Variants in DOCK4 observed in about 807,000 individuals in gnomAD.
DOCK4 encodes the protein dedicator of cytokinesis 4, also known as dedicator of cytokinesis protein 4.
Under a neutral mutation model 268.1 loss-of-function variants are expected in DOCK4, and 97 were observed. That is an observed-to-expected ratio of 0.36 (90% CI 0.31 to 0.43). The LOEUF is 0.43. DOCK4 is among the 20% of genes least tolerant of loss of function. The pLI, the probability that DOCK4 is intolerant of heterozygous loss-of-function variation, is 1.00. For missense variants in DOCK4, 2,145 were observed against 2,455.7 expected (o/e 0.87, Z 2.67); for synonymous variants, 954 against 887.2 (o/e 1.08, Z -1.34).
At chr7:111,803,090 G>A (rs1800423323) in intron 30 of DOCK4, among the ~76,000 whole-genome samples, 1 of 152,140 alleles carries the variant, frequency 6.6e-6, no homozygotes, top group Non-Finnish European at 1.5e-5. Context: ...TGTATAGCTG[G>A]TTTCTTTCAA....
chr7:112,168,594 ACCTGGGAAC>A (rs1383460011), intron 1 of DOCK4, among the ~76,000 whole-genome samples: 1 of 152,176 alleles, frequency 6.6e-6, no homozygotes, highest in African/African-American at 2.4e-5. Context: ...GGTCCCAGCC[ACCTGGGAAC>A]CTGAGGTAAG....
At chr7:111,913,554 C>A (rs112012093) in intron 13 of DOCK4, among the ~76,000 whole-genome samples, 8 of 150,470 alleles carry the variant, frequency 5.3e-5, no homozygotes, top group South Asian at 2.1e-4. Flanking sequence ...GGACTACAGG[C>A]GCCCGCCACC....
At chr7:111,992,289 C>T (rs1236400164) in intron 5 of DOCK4, among the ~76,000 whole-genome samples, 1 of 152,050 alleles carries the variant, frequency 6.6e-6, no homozygotes, top group Non-Finnish European at 1.5e-5. Flanking sequence ...AAGCTAGGTG[C>T]CTTAAAACTG....
intron 13 of DOCK4, among the ~76,000 whole-genome samples, chr7:111,905,289 A>T (rs1418641812): frequency 6.6e-6 from 1 of 152,188 alleles, no homozygotes; most frequent in Non-Finnish European, 1.5e-5. Context: ...CCGTGTGAAA[A>T]GCTATTTCCC....
In DOCK4 at chr7:111,732,239, C is replaced by G; in HGVS notation, c.5468G>C (p.Arg1823Pro). The G allele has an allele frequency of 6.2e-7, 1 of 1,614,006 alleles. No individual in the cohort carries two copies. Among genetic ancestry groups the G allele is most frequent in the Non-Finnish European group, 8.5e-7 (1 of 1,179,888 alleles). ...TTSVSPSPAG[R>P]SPLKGSVQSF... ...AAGGGCCTTTACCTTCAATGGAGAT[C>G]GCCCGGCAGGCGAGGGGGATACTGA... Residue 1823 changes from arginine (R) to proline (P), a missense_variant, in exon 52 of 53, where the codon CGA becomes CCA. This residue lies in a region of DOCK4 where 547 missense variants were observed against 469.0 expected (regional missense o/e 1.17). Transcript: ENST00000428084.
intron 16 of DOCK4, among the ~76,000 whole-genome samples, chr7:111,880,933 A>G (rs1209783791): frequency 2.6e-5 from 4 of 152,240 alleles, no homozygotes; most frequent in Non-Finnish European, 5.9e-5. Flanking sequence ...TCAAATCAAA[A>G]TGGATTAAAA....
intron 36 of DOCK4, among the ~76,000 whole-genome samples, chr7:111,775,952 A>G (rs891663233): frequency 1.3e-5 from 2 of 152,132 alleles, no homozygotes; most frequent in African/African-American, 4.8e-5. Flanking sequence ...GAGGGGAGGG[A>G]GCTCAAGAAA....
chr7:111,983,858 G>GCACACACACACACACACACACACACACA (rs1300676029), intron 7 of DOCK4, among the ~76,000 whole-genome samples: 2 of 89,944 alleles, frequency 2.2e-5, no homozygotes, highest in African/African-American at 3.6e-5. Flanking sequence ...GCGCGCGCGC[G>GCACACACACACACACACACACACACACA]CGCGCACACA....
rs112560308 is a variant in DOCK4, at chr7:112,121,748, G to C, written c.37+84354C>G. ...CAACATACAGATATTCAGGGTCTATGAAATCCCTTTCTGGTTTCCTTTTAT... is the reference window on the plus strand; with the variant it reads ...CAACATACAGATATTCAGGGTCTATCAAATCCCTTTCTGGTTTCCTTTTAT... On this transcript the variant is annotated intron_variant, in intron 1 of 52. Transcript: ENST00000428084. Among the ~76,000 whole-genome samples, 512 of 152,302 alleles carry C rather than the reference G, an allele frequency of 3.4e-3. 4 individuals are homozygous for C. The highest frequency in any genetic ancestry group is 0.012 in the African/African-American group (492 of 41,556).
chr7:111,728,511 G>A lies in DOCK4; in HGVS notation c.5691C>T (p.Gly1897=), dbSNP rs1335752177. Residue 1897 remains glycine (G), a synonymous_variant, in exon 53 of 53, where the codon GGC becomes GGT. Coordinates refer to ENST00000428084, the MANE Select transcript of DOCK4 (RefSeq NM_001363540.2). ...TCTCCTTGCGCACTGGCTCCTCCCC[G>A]CCGTAGCTCGGCACGGGCACCGGCA... is the stretch of plus-strand genomic sequence containing the variant. The part of the protein sequence containing the change: ...VPVPVPVPSY[G]GEEPVRKESK... 1.2e-6 allele frequency: 2 copies of A among 1,613,474 alleles called. No homozygotes were observed. Among genetic ancestry groups the A allele is most frequent in the East Asian group, 2.2e-5 (1 of 44,876 alleles).
rs144045255 is a variant in DOCK4, at chr7:111,973,156, C to CATATATATATATATAT, written c.701+3960_701+3975dup. On this transcript the variant is annotated intron_variant, in intron 8 of 52. Transcript: ENST00000428084. ...TATATGGCTGACTAGTATTCCATGG[C>CATATATATATATATAT]ATATATATATATATATATATATATA... is the stretch of plus-strand genomic sequence containing the variant. Among the ~76,000 whole-genome samples, 353 of 113,946 alleles carry CATATATATATATATAT rather than the reference C, an allele frequency of 3.1e-3. 5 individuals are homozygous for CATATATATATATATAT. Among genetic ancestry groups the CATATATATATATATAT allele is most frequent in the East Asian group, 4.3e-3 (16 of 3,690 alleles). 74.8% of individuals were successfully genotyped at this position (113,946 alleles called of 152,430 possible).
intron 1 of DOCK4, among the ~76,000 whole-genome samples, chr7:112,179,840 A>G (rs1176513459): frequency 6.6e-6 from 1 of 152,208 alleles, no homozygotes; most frequent in Non-Finnish European, 1.5e-5. Flanking sequence ...AGGTATGATG[A>G]ATATTTAACT....
intron 8 of DOCK4, among the ~76,000 whole-genome samples, chr7:111,976,140 CAAAAAAAAA>C (rs1166982968): frequency 5.2e-4 from 15 of 28,940 alleles, no homozygotes; most frequent in East Asian, 2.6e-3. Context: ...GACTCCATCT[CAAAAAAAAA>C]AAAAAAAAAA....
At chr7:111,867,853 T>C (rs1397422997) in intron 22 of DOCK4, 131 bp downstream of exon 22, 3 of 906,532 alleles carry the variant, frequency 3.3e-6, no homozygotes, top group African/African-American at 1.7e-5. Flanking sequence ...CTCATAAAGT[T>C]GGTTAAGCTA....
At chr7:111,929,357 T>C (rs1794005439) in intron 12 of DOCK4, among the ~76,000 whole-genome samples, 3 of 152,160 alleles carry the variant, frequency 2.0e-5, no homozygotes, top group Admixed American at 1.3e-4. Context: ...TTCTTTGTAC[T>C]GTTTTCTACA....
intron 1 of DOCK4, among the ~76,000 whole-genome samples, chr7:112,099,850 C>A (rs1810514963): frequency 6.6e-6 from 1 of 152,018 alleles, no homozygotes; most frequent in Middle Eastern, 3.2e-3. Flanking sequence ...TTACTAATGA[C>A]ATAACTGTAA....
intron 1 of DOCK4, among the ~76,000 whole-genome samples, chr7:112,066,985 C>T (rs1807127446): frequency 6.7e-6 from 1 of 150,008 alleles, no homozygotes; most frequent in Non-Finnish European, 1.5e-5. Context: ...TCTCCACACA[C>T]ACACACACAC....
chr7:111,846,495 A>G (rs921882646), intron 24 of DOCK4, among the ~76,000 whole-genome samples: 1 of 150,394 alleles, frequency 6.6e-6, no homozygotes, highest in African/African-American at 2.5e-5. Context: ...CAAATCCATA[A>G]CAATTTGGAG....
At chr7:111,800,757 C>T (rs1041331729) in intron 30 of DOCK4, among the ~76,000 whole-genome samples, 3 of 152,094 alleles carry the variant, frequency 2.0e-5, no homozygotes, top group African/African-American at 7.2e-5. Flanking sequence ...TCCAAAAACC[C>T]TTAAATCAAC....
Sources: gnomAD v4.1 joint callset for allele counts (sites outside exome capture counted in the v4.1 genomes callset) on GRCh38, gnomAD v4.1.1 for gene constraint, gnomAD v4.1.1 regional missense constraint, MANE v1.5 for transcripts, NCBI Gene and HGNC (gene_info 2026-07-23, HGNC 2026-07-21) for gene names.